Variants in TCF4 observed in about 807,000 individuals in gnomAD.
The protein encoded by TCF4 is SL3-3 enhancer factor 2.
Under a neutral mutation model 82.1 loss-of-function variants are expected in TCF4, and 3 were observed. That is an observed-to-expected ratio of 0.04 (90% CI 0.02 to 0.09). The LOEUF is 0.09. TCF4 is among the 10% of genes least tolerant of loss of function. The pLI is 1.00. For missense variants in TCF4, 518 were observed against 852.7 expected (o/e 0.61, Z 4.89); for synonymous variants, 276 against 309.6 (o/e 0.89, Z 1.14).
chr18:55,486,464 C>G (rs2096516452), intron 3 of TCF4, among the ~76,000 whole-genome samples: 1 of 152,040 alleles, frequency 6.6e-6, no homozygotes, highest in South Asian at 2.1e-4. Flanking sequence ...TGGTGGCGCA[C>G]ACCTGTAATC....
chr18:55,249,744 A>AT (rs548107472), intron 15 of TCF4, among the ~76,000 whole-genome samples: 25 of 152,250 alleles, frequency 1.6e-4, no homozygotes, highest in Admixed American at 6.5e-4. Context: ...CTAATGCGAT[A>AT]TATGAATAGT....
At chr18:55,334,494 C>T (rs983709469) in intron 8 of TCF4, among the ~76,000 whole-genome samples, 1 of 151,988 alleles carries the variant, frequency 6.6e-6, no homozygotes, top group Non-Finnish European at 1.5e-5. Flanking sequence ...TGAGCTAAGA[C>T]CCCCAGCTTA....
intron 3 of TCF4, among the ~76,000 whole-genome samples, chr18:55,565,953 G>A (rs2097401606): frequency 6.6e-6 from 1 of 151,498 alleles, no homozygotes; most frequent in African/African-American, 2.4e-5. Flanking sequence ...TGTAATCACA[G>A]CAGTTTGGGA....
At chr18:55,419,832 G>A (rs1194101445) in intron 5 of TCF4, among the ~76,000 whole-genome samples, 3 of 152,302 alleles carry the variant, frequency 2.0e-5, no homozygotes, top group South Asian at 4.1e-4. Context: ...GCGACTGAAC[G>A]GGAATACTGG....
In TCF4 at chr18:55,395,933, T is replaced by TC. The variant is rs146918426; in HGVS notation, c.369+7520dup. Among the ~76,000 whole-genome samples the TC allele has an allele frequency of 9.3e-3, 1,416 of 152,030 alleles. 19 individuals are homozygous for TC. Among genetic ancestry groups the TC allele is most frequent in the Middle Eastern group, 0.037 (11 of 294 alleles). ...ATAGATTATTCATATAATCTTTTTT[T>TC]CCCCCCCTTAAGGCTGGGCAGTCAG... On this transcript the variant is annotated intron_variant, in intron 6 of 19. Coordinates refer to ENST00000354452, the MANE Select transcript of TCF4 (RefSeq NM_001083962.2).
intron 6 of TCF4, chr18:55,401,555 C>T (rs891726283): frequency 3.0e-6 from 3 of 988,314 alleles, no homozygotes; most frequent in South Asian, 9.3e-5. Flanking sequence ...CTCTCTTCCA[C>T]CCTCTGCCCC....
intron 3 of TCF4, among the ~76,000 whole-genome samples, chr18:55,574,936 G>A (rs1378804349): frequency 6.6e-6 from 1 of 152,062 alleles, no homozygotes. Context: ...TAAGAACATG[G>A]CATGCATTCA....
chr18:55,256,987 G>C (rs72925066), intron 14 of TCF4, among the ~76,000 whole-genome samples: 53 of 152,224 alleles, frequency 3.5e-4, no homozygotes, highest in Non-Finnish European at 6.8e-4. Context: ...GACCTGGCTG[G>C]AGTTCCAGCA....
intron 3 of TCF4, among the ~76,000 whole-genome samples, chr18:55,530,472 G>A (rs912629603): frequency 3.4e-5 from 5 of 147,988 alleles, no homozygotes; most frequent in African/African-American, 1.2e-4. Context: ...AACAGAGAGA[G>A]TGAAGAAGAG....
chr18:55,277,410 G>A (rs990262035), intron 9 of TCF4, among the ~76,000 whole-genome samples: 1 of 152,160 alleles, frequency 6.6e-6, no homozygotes, highest in African/African-American at 2.4e-5. Context: ...GGGTGGCAAT[G>A]CGTTTAGGAC....
chr18:55,542,320 C>A (rs1435886563), intron 3 of TCF4, among the ~76,000 whole-genome samples: 1 of 151,892 alleles, frequency 6.6e-6, no homozygotes, highest in African/African-American at 2.4e-5. Context: ...AGTTAATTTT[C>A]TTGACTCATT....
chr18:55,469,413 A>G (rs1248817262), intron 3 of TCF4, among the ~76,000 whole-genome samples: 2 of 152,080 alleles, frequency 1.3e-5, no homozygotes, highest in Non-Finnish European at 2.9e-5. Flanking sequence ...GCCGCGAGCC[A>G]AGATCGAGCC....
chr18:55,314,479 C>A lies in TCF4; in HGVS notation c.550-34823G>T, dbSNP rs539766823. 7.5e-4 allele frequency among the ~76,000 whole-genome samples: 113 copies of A among 151,434 alleles called. 2 individuals are homozygous for A. In the South Asian group the frequency reaches 0.023, roughly 31 times the overall value. On this transcript the variant is annotated intron_variant, in intron 8 of 19. Coordinates refer to ENST00000354452, the MANE Select transcript of TCF4 (RefSeq NM_001083962.2). ...TTATTTTAATCACATCAGTACTTAACTGGATAGGGTTTAAATACGCATGTA... is the reference window on the plus strand; with the variant it reads ...TTATTTTAATCACATCAGTACTTAAATGGATAGGGTTTAAATACGCATGTA...
intron 8 of TCF4, among the ~76,000 whole-genome samples, chr18:55,290,495 A>G (rs918765787): frequency 6.6e-6 from 1 of 152,160 alleles, no homozygotes; most frequent in Admixed American, 6.5e-5. Context: ...CCAATAATCA[A>G]TTTTTAGAAA....
At chr18:55,487,771 A>G (rs9960767) in intron 3 of TCF4, among the ~76,000 whole-genome samples, 1 of 152,026 alleles carries the variant, frequency 6.6e-6, no homozygotes, top group Non-Finnish European at 1.5e-5. Flanking sequence ...ATGAGATGAA[A>G]TTCACAAATT....
chr18:55,257,485 A>C (rs910950489), intron 13 of TCF4, 94 bp from the exon 14 acceptor site: 4 of 1,204,798 alleles, frequency 3.3e-6, no homozygotes, highest in Non-Finnish European at 4.9e-6. Flanking sequence ...TGGCAATGGC[A>C]ATGATGATTT....
chr18:55,385,778 C>T (rs959486550), intron 6 of TCF4, among the ~76,000 whole-genome samples: 3 of 152,198 alleles, frequency 2.0e-5, no homozygotes, highest in Admixed American at 2.0e-4. Context: ...AGTCCTTCAT[C>T]TTTTGCGAGT....
chr18:55,393,158 A>G (rs1452251614), intron 6 of TCF4, among the ~76,000 whole-genome samples: 1 of 152,160 alleles, frequency 6.6e-6, no homozygotes, highest in Admixed American at 6.5e-5. Context: ...TGAAGTCAGG[A>G]ATTTGAGACA....
intron 2 of TCF4, among the ~76,000 whole-genome samples, chr18:55,628,062 A>T (rs1275915209): frequency 6.7e-6 from 1 of 148,182 alleles, no homozygotes; most frequent in Non-Finnish European, 1.5e-5. Context: ...TGTCTAAAAA[A>T]CAAACAAACA....
Sources: allele counts gnomAD v4.1 joint callset (sites outside exome capture counted in the v4.1 genomes callset), GRCh38; gene constraint gnomAD v4.1.1; transcripts MANE v1.5; gene names NCBI Gene and HGNC (gene_info 2026-07-23, HGNC 2026-07-21).